NTM: variants seen among roughly 807,000 people sequenced by gnomAD.
NTM encodes the protein IgLON family member 2.
In NTM, 13 loss-of-function variants were observed where a neutral mutation model predicts 42.1. The ratio of observed to expected loss-of-function variants is 0.31; its 90% CI spans 0.20 to 0.49. NTM has a LOEUF of 0.49. NTM is among the 20% of genes least tolerant of loss of function. The pLI is 0.99. For missense variants in NTM, 373 were observed against 452.8 expected (o/e 0.82, Z 1.60); for synonymous variants, 187 against 179.2 (o/e 1.04, Z -0.35).
chr11:132,144,697 G>A (rs988602622), intron 2 of NTM, among the ~76,000 whole-genome samples: 2 of 152,154 alleles, frequency 1.3e-5, no homozygotes, highest in Non-Finnish European at 2.9e-5. Flanking sequence ...TGAGCACTTT[G>A]AAAGGTAGTC....
intron 1 of NTM, chr11:131,671,553 G>A (rs978613287): frequency 2.0e-5 from 20 of 981,096 alleles, no homozygotes; most frequent in Middle Eastern, 5.2e-4. Flanking sequence ...AGGGCCTACC[G>A]GTGGCTACCC....
At chr11:131,603,577 A>G (rs978267783) in intron 1 of NTM, among the ~76,000 whole-genome samples, 10 of 152,164 alleles carry the variant, frequency 6.6e-5, no homozygotes, top group African/African-American at 2.4e-5. Context: ...TGTGAAATGT[A>G]TTGGTGTTTA....
chr11:131,491,193 T>C (rs942494812), intron 1 of NTM, among the ~76,000 whole-genome samples: 3 of 152,194 alleles, frequency 2.0e-5, no homozygotes, highest in Admixed American at 6.5e-5. Context: ...TGAAAGAAAC[T>C]GTCTTGAGCT....
intron 1 of NTM, chr11:131,795,560 T>C (rs1052800015): frequency 4.5e-5 from 44 of 985,348 alleles, no homozygotes; most frequent in Admixed American, 6.1e-5. Context: ...TACAGCATGA[T>C]GTTTGCATAA....
chr11:132,068,117 AG>A (rs1226968679), intron 2 of NTM, among the ~76,000 whole-genome samples: 2 of 152,230 alleles, frequency 1.3e-5, no homozygotes, highest in African/African-American at 2.4e-5. Context: ...TTCTAGCAAC[AG>A]GGTGTTCAGT....
chr11:132,176,134 T>C (rs1224539308), intron 3 of NTM, among the ~76,000 whole-genome samples: 1 of 152,208 alleles, frequency 6.6e-6, no homozygotes, highest in African/African-American at 2.4e-5. Flanking sequence ...GTTAGTTAAG[T>C]GTAACTGTAT....
chr11:131,857,489 C>G (rs1301315849), intron 1 of NTM, among the ~76,000 whole-genome samples: 1 of 152,174 alleles, frequency 6.6e-6, no homozygotes, highest in African/African-American at 2.4e-5. Context: ...TCCCATAGTA[C>G]TCACTGGCTG....
At chr11:132,324,799 A>AGATATAGATCTGTT (rs1353710350) in intron 7 of NTM, among the ~76,000 whole-genome samples, 3 of 149,868 alleles carry the variant, frequency 2.0e-5, no homozygotes, top group African/African-American at 7.4e-5. Flanking sequence ...CCAAAACAGC[A>AGATATAGATCTGTT]TGGTACTGGT....
chr11:132,111,497 T>A (rs1372020817), intron 2 of NTM, among the ~76,000 whole-genome samples: 1 of 152,156 alleles, frequency 6.6e-6, no homozygotes, highest in African/African-American at 2.4e-5. Context: ...CACAGAGGTT[T>A]GGACACAAGG....
intron 2 of NTM, among the ~76,000 whole-genome samples, chr11:131,923,681 G>A (rs946435085): frequency 1.3e-5 from 2 of 152,188 alleles, no homozygotes; most frequent in African/African-American, 4.8e-5. Flanking sequence ...CAAACTTTGG[G>A]GGAAGGGAAG....
At chr11:131,931,670 G>A (rs1010527400) in intron 2 of NTM, among the ~76,000 whole-genome samples, 2 of 152,038 alleles carry the variant, frequency 1.3e-5, no homozygotes, top group African/African-American at 4.8e-5. Flanking sequence ...CTAGGAATGG[G>A]GAGCTTCAGA....
chr11:132,234,614 G>A (rs144830414), intron 4 of NTM, among the ~76,000 whole-genome samples: 28 of 152,082 alleles, frequency 1.8e-4, no homozygotes, highest in East Asian at 1.5e-3. Flanking sequence ...TCAGAATCCC[G>A]TAATTACGAT....
At chr11:132,085,027 G>C (rs181396324) in intron 2 of NTM, among the ~76,000 whole-genome samples, 5 of 152,254 alleles carry the variant, frequency 3.3e-5, no homozygotes, top group Admixed American at 3.3e-4. Flanking sequence ...TTATTTCAAT[G>C]CTCAATTTAC....
intron 1 of NTM, among the ~76,000 whole-genome samples, chr11:131,390,303 T>C (rs951564245): frequency 6.6e-6 from 1 of 152,134 alleles, no homozygotes; most frequent in Non-Finnish European, 1.5e-5. Flanking sequence ...AAGCCATTCA[T>C]GAGGGATCTG....
intron 1 of NTM, among the ~76,000 whole-genome samples, chr11:131,602,690 C>T (rs1223751887): frequency 2.0e-5 from 3 of 152,214 alleles, no homozygotes; most frequent in Non-Finnish European, 4.4e-5. Context: ...CATCTGTCTA[C>T]TTGACATCTC....
intron 1 of NTM, among the ~76,000 whole-genome samples, chr11:131,634,664 T>G (rs1302610475): frequency 2.0e-5 from 3 of 151,694 alleles, no homozygotes; most frequent in East Asian, 3.9e-4. Context: ...AGAGTGAGCT[T>G]CTTTAATCAA....
chr11:131,709,735 G>C (rs550503033), intron 1 of NTM, among the ~76,000 whole-genome samples: 1 of 152,260 alleles, frequency 6.6e-6, no homozygotes, highest in East Asian at 1.9e-4. Context: ...TATATAAACA[G>C]TGTTTAAAGC....
intron 4 of NTM, among the ~76,000 whole-genome samples, chr11:132,219,340 C>G (rs1289292732): frequency 6.6e-6 from 1 of 152,104 alleles, no homozygotes. Context: ...TCCTGTCATG[C>G]CAGGGATCAT....
rs1016437484 is a variant in NTM at position 131,777,039 on chromosome 11, T to A, written c.83-134525T>A. 8 of 799,990 alleles carry A rather than the reference T, an allele frequency of 1.0e-5. No individual in the cohort carries two copies. In the African/African-American group the frequency reaches 1.5e-4, roughly 15 times the overall value. 49.6% of individuals were successfully genotyped at this position (799,990 alleles called of 1,614,324 possible). ...CTACAAAAGGTTGAATCATGAATTT[T>A]GGGTGGCAGAAAGTTGCTTCTGCCA... On this transcript the variant is annotated intron_variant, in intron 1 of 8. Transcript: ENST00000683400.
Sources: allele counts gnomAD v4.1 joint callset (sites outside exome capture counted in the v4.1 genomes callset), GRCh38; gene constraint gnomAD v4.1.1; transcripts MANE v1.5; gene names NCBI Gene and HGNC (gene_info 2026-07-23, HGNC 2026-07-21).